The following PDE7B variants were observed in gnomAD, a reference collection of about 807,000 sequenced individuals.
PDE7B encodes the protein 3',5'-cyclic-AMP phosphodiesterase 7B.
PDE7B carries 29 observed loss-of-function variants against 56.2 expected under a neutral mutation model. The ratio of observed to expected loss-of-function variants is 0.52; its 90% CI spans 0.38 to 0.70. The LOEUF (loss-of-function observed/expected upper bound fraction) is 0.70, where lower values mean the gene tolerates loss of function less well. Among genes scored for constraint, PDE7B ranks in the 30% least tolerant of loss-of-function variants. The pLI is 0.00. For synonymous variants in PDE7B, 197 were observed against 196.9 expected (o/e 1.00, Z 0.00); for missense variants, 490 against 565.0 (o/e 0.87, Z 1.35).
intron 2 of PDE7B, among the ~76,000 whole-genome samples, chr6:136,075,627 A>G (rs1777116149): frequency 6.6e-6 from 1 of 152,228 alleles, no homozygotes; most frequent in Non-Finnish European, 1.5e-5. Context: ...ATTGCAATTC[A>G]GAGTGCCTTC....
chr6:136,131,494 GTTTTTTT>G (rs1201361799), intron 3 of PDE7B, among the ~76,000 whole-genome samples: 5 of 84,710 alleles, frequency 5.9e-5, no homozygotes, highest in African/African-American at 9.5e-5. Flanking sequence ...ATCCTGGCAG[GTTTTTTT>G]TTTTTTTTTT....
intron 2 of PDE7B, among the ~76,000 whole-genome samples, chr6:136,013,281 T>C (rs1006683140): frequency 6.6e-6 from 1 of 152,246 alleles, no homozygotes; most frequent in Admixed American, 6.5e-5. Context: ...AATAAATCTT[T>C]AAAGTTTCTC....
intron 12 of PDE7B, among the ~76,000 whole-genome samples, chr6:136,191,028 T>TTTTTTTTTTTTTTTTTTG: frequency 1.3e-5 from 2 of 148,644 alleles, no homozygotes; most frequent in African/African-American, 5.1e-5. Context: ...TTTTTTTTTT[T>TTTTTTTTTTTTTTTTTTG]TTTTTTTTTA....
chr6:135,994,118 G>C (rs895688996), intron 2 of PDE7B, among the ~76,000 whole-genome samples: 7 of 10,296 alleles, frequency 6.8e-4, no homozygotes, highest in Non-Finnish European at 1.1e-3. Flanking sequence ...TATTGGATCT[G>C]TGTGTGTGTG....
At chr6:136,018,804 GTGTT>G (rs1244568779) in intron 2 of PDE7B, among the ~76,000 whole-genome samples, 1 of 151,924 alleles carries the variant, frequency 6.6e-6, no homozygotes, top group Admixed American at 6.6e-5. Context: ...ATACGTGTGT[GTGTT>G]TGTGTGTGTG....
chr6:136,178,008 A>G (rs1779006798), intron 9 of PDE7B, among the ~76,000 whole-genome samples: 1 of 152,242 alleles, frequency 6.6e-6, no homozygotes, highest in South Asian at 2.1e-4. Flanking sequence ...ATGTTTAGCT[A>G]AAGAAGTCAG....
At chr6:136,009,084 A>C (rs1775840844) in intron 2 of PDE7B, among the ~76,000 whole-genome samples, 1 of 151,974 alleles carries the variant, frequency 6.6e-6, no homozygotes, top group African/African-American at 2.4e-5. Flanking sequence ...CCATTTATTA[A>C]ATAGGGAATC....
chr6:136,074,574 T>TC (rs951711230), intron 2 of PDE7B, among the ~76,000 whole-genome samples: 4 of 152,160 alleles, frequency 2.6e-5, no homozygotes, highest in Non-Finnish European at 5.9e-5. Flanking sequence ...CATTCCTCCT[T>TC]CCCACTACAC....
intron 3 of PDE7B, among the ~76,000 whole-genome samples, chr6:136,134,529 A>C (rs572089343): frequency 6.6e-6 from 1 of 152,152 alleles, no homozygotes; most frequent in East Asian, 1.9e-4. Context: ...GACTGAGGAA[A>C]CTTGATCTGC....
intron 2 of PDE7B, chr6:136,071,401 T>A (rs144464896): frequency 9.8e-4 from 149 of 152,282 alleles, no homozygotes; most frequent in African/African-American, 3.4e-3. Flanking sequence ...ACCTCAGCAT[T>A]GCACAAAGTT....
intron 6 of PDE7B, among the ~76,000 whole-genome samples, chr6:136,151,782 A>ATCACAAGGTCAGG (rs71006788): frequency 1.3e-5 from 2 of 151,560 alleles, no homozygotes; most frequent in African/African-American, 2.4e-5. Context: ...AAAAATACAA[A>ATCACAAGGTCAGG]AAAAAAATTA....
intron 1 of PDE7B, among the ~76,000 whole-genome samples, chr6:135,933,019 A>T (rs76815584): frequency 0.021 from 3,144 of 152,186 alleles, 54 homozygotes; most frequent in South Asian, 0.036. Context: ...TCTGTGTGTT[A>T]TCTCATTTGA....
intron 3 of PDE7B, chr6:136,116,986 C>G (rs937711080): frequency 2.0e-5 from 3 of 152,196 alleles, no homozygotes; most frequent in East Asian, 3.9e-4. Flanking sequence ...CATAAGAGTT[C>G]AGGCACCACC....
At chr6:135,973,371 A>G (rs1470341857) in intron 2 of PDE7B, among the ~76,000 whole-genome samples, 2 of 152,004 alleles carry the variant, frequency 1.3e-5, no homozygotes, top group Non-Finnish European at 2.9e-5. Context: ...TTTTCCATTC[A>G]TCTGTTGATG....
intron 2 of PDE7B, among the ~76,000 whole-genome samples, chr6:135,969,569 A>G (rs1201658846): frequency 2.6e-5 from 4 of 152,156 alleles, no homozygotes; most frequent in African/African-American, 9.7e-5. Flanking sequence ...GGCTAGCCAT[A>G]TACAGAAAAC....
intron 6 of PDE7B, among the ~76,000 whole-genome samples, chr6:136,152,676 TCAC>T (rs2128447443): frequency 6.6e-6 from 1 of 152,370 alleles, no homozygotes; most frequent in East Asian, 1.9e-4. Context: ...ACATTTCTAA[TCAC>T]CAAATGACTT....
intron 1 of PDE7B, among the ~76,000 whole-genome samples, chr6:135,920,472 G>T (rs1357509909): frequency 6.6e-6 from 1 of 152,034 alleles, no homozygotes; most frequent in Non-Finnish European, 1.5e-5. Context: ...ATCAATGTGG[G>T]CAGTTTGCTT....
chr6:136,138,577 G>A (rs979305781), intron 3 of PDE7B, among the ~76,000 whole-genome samples: 2 of 151,852 alleles, frequency 1.3e-5, no homozygotes, highest in Non-Finnish European at 2.9e-5. Context: ...TTTTTTTTCT[G>A]GTTAGCTTTA....
chr6:135,896,215 AG>A (rs1245685452), intron 1 of PDE7B, among the ~76,000 whole-genome samples: 2 of 152,168 alleles, frequency 1.3e-5, no homozygotes, highest in Non-Finnish European at 2.9e-5. Context: ...TCTAGTGAAA[AG>A]CACAAGTAGC....
Sources: allele counts gnomAD v4.1 joint callset (sites outside exome capture counted in the v4.1 genomes callset), GRCh38; gene constraint gnomAD v4.1.1; transcripts MANE v1.5; gene names NCBI Gene and HGNC (gene_info 2026-07-23, HGNC 2026-07-21).